The following GRIK3 variants were observed in gnomAD, a reference collection of about 807,000 sequenced individuals.
GRIK3 encodes glutamate receptor ionotropic, kainate 3.
In GRIK3, 29 loss-of-function variants were observed where a neutral mutation model predicts 102.5. The observed-to-expected ratio is 0.28, with a 90% CI of 0.21 to 0.39. The LOEUF (loss-of-function observed/expected upper bound fraction) is 0.39. Ranked by LOEUF, GRIK3 falls within the 10% of genes least tolerant of loss-of-function variation. The probability of loss-of-function intolerance (pLI) is 1.00; values close to 1 mark genes in which losing one functional copy is unlikely to be tolerated. For synonymous variants in GRIK3, 511 were observed against 504.9 expected (o/e 1.01, Z -0.16); for missense variants, 908 against 1,252.4 (o/e 0.73, Z 4.15).
At chr1:36,994,511 A>T (rs1016400176) in intron 1 of GRIK3, among the ~76,000 whole-genome samples, 1 of 152,222 alleles carries the variant, frequency 6.6e-6, no homozygotes, top group Non-Finnish European at 1.5e-5. Flanking sequence ...TGTTGTGAGG[A>T]TAAGCAAGTT....
intron 1 of GRIK3, among the ~76,000 whole-genome samples, chr1:36,933,738 T>C (rs1334800): frequency 0.86 from 130,566 of 151,874 alleles, 56,286 homozygotes; most frequent in Admixed American, 0.91. Context: ...CAAGGTATGA[T>C]AGAAGGCACA....
intron 10 of GRIK3, among the ~76,000 whole-genome samples, chr1:36,827,713 T>C (rs935439159): frequency 6.6e-6 from 1 of 152,122 alleles, no homozygotes; most frequent in East Asian, 1.9e-4. Flanking sequence ...CCAGTCAAAA[T>C]CAGATGTCAA....
chr1:36,837,899 C>T (rs1343538126), intron 10 of GRIK3, among the ~76,000 whole-genome samples: 1 of 152,224 alleles, frequency 6.6e-6, no homozygotes, highest in Non-Finnish European at 1.5e-5. Context: ...GGTGGTGCCT[C>T]AGTTCCCTGT....
At chr1:36,825,564 C>G (rs201389217) in intron 11 of GRIK3, 39 bp downstream of exon 11, 1 of 1,435,524 alleles carries the variant, frequency 7.0e-7, no homozygotes, top group Non-Finnish European at 9.4e-7. Flanking sequence ...CCTAGACCTT[C>G]AACCTTGGGC....
At chr1:36,805,936 CA>C (rs749853809) in intron 14 of GRIK3, among the ~76,000 whole-genome samples, 167 bp downstream of exon 14, 1,168 of 31,688 alleles carry the variant, frequency 0.037, 18 homozygotes, top group Admixed American at 0.11. Flanking sequence ...AACTCCACCT[CA>C]AAAAAAAAAA....
At chr1:36,976,815 A>T (rs2124363015) in intron 1 of GRIK3, among the ~76,000 whole-genome samples, 1 of 152,208 alleles carries the variant, frequency 6.6e-6, no homozygotes, top group Non-Finnish European at 1.5e-5. Flanking sequence ...TATGAGCCTC[A>T]CTTCAGGGGT....
At chr1:36,808,043 G>A (rs755255814) in intron 13 of GRIK3, among the ~76,000 whole-genome samples, 19 of 152,066 alleles carry the variant, frequency 1.2e-4, no homozygotes, top group Non-Finnish European at 1.9e-4. Context: ...TGTGCTCTCC[G>A]CTCTCCCACT....
intron 1 of GRIK3, among the ~76,000 whole-genome samples, chr1:37,023,923 G>T (rs1005842282): frequency 1.3e-5 from 2 of 152,216 alleles, no homozygotes; most frequent in Non-Finnish European, 2.9e-5. Context: ...CTGCCTGAAG[G>T]TTCAATGATA....
At chr1:36,944,696 A>C (rs1428826148) in intron 1 of GRIK3, among the ~76,000 whole-genome samples, 1 of 152,118 alleles carries the variant, frequency 6.6e-6, no homozygotes, top group Non-Finnish European at 1.5e-5. Flanking sequence ...GTGATCTCCC[A>C]AGGCCACTGA....
intron 1 of GRIK3, among the ~76,000 whole-genome samples, chr1:36,910,246 T>A (rs554560097): frequency 1.3e-5 from 2 of 152,316 alleles, no homozygotes; most frequent in South Asian, 2.1e-4. Flanking sequence ...CAGGCTCCAT[T>A]TGTCCTCAGG....
intron 10 of GRIK3, among the ~76,000 whole-genome samples, chr1:36,827,884 G>A (rs1642771501): frequency 6.6e-6 from 1 of 152,106 alleles, no homozygotes; most frequent in Non-Finnish European, 1.5e-5. Context: ...GGAGTCCAAG[G>A]ATTTGATGAC....
chr1:37,025,414 C>T (rs1043171287), intron 1 of GRIK3, among the ~76,000 whole-genome samples: 4 of 152,324 alleles, frequency 2.6e-5, no homozygotes, highest in Middle Eastern at 3.4e-3. Flanking sequence ...CAATCTGCAT[C>T]TTAATGAGTG....
At chr1:36,803,931 T>G (rs1642470512) in intron 15 of GRIK3, among the ~76,000 whole-genome samples, 1 of 152,234 alleles carries the variant, frequency 6.6e-6, no homozygotes, top group African/African-American at 2.4e-5. Context: ...CTTTGACCAC[T>G]TACACAGTGT....
intron 1 of GRIK3, among the ~76,000 whole-genome samples, chr1:37,021,127 T>TGTGTGTGAGA (rs1553128804): frequency 1.4e-5 from 2 of 145,208 alleles, no homozygotes; most frequent in East Asian, 4.1e-4. Context: ...TGTGTGTCTG[T>TGTGTGTGAGA]GAGAGAGAGA....
intron 9 of GRIK3, among the ~76,000 whole-genome samples, chr1:36,847,921 C>G (rs1322350445): frequency 6.6e-6 from 1 of 152,222 alleles, no homozygotes; most frequent in African/African-American, 2.4e-5. Flanking sequence ...GGAGCTGTGA[C>G]CAGGCTATGA....
intron 1 of GRIK3, among the ~76,000 whole-genome samples, chr1:36,989,645 C>T (rs1642344051): frequency 6.6e-6 from 1 of 152,150 alleles, no homozygotes; most frequent in Non-Finnish European, 1.5e-5. Context: ...CAAGTCTGGG[C>T]CCCCACTGCT....
At chr1:36,879,616 G>A (rs1570775853) in intron 3 of GRIK3, among the ~76,000 whole-genome samples, 1 of 152,244 alleles carries the variant, frequency 6.6e-6, no homozygotes, top group South Asian at 2.1e-4. Context: ...AAGGGCCTGG[G>A]ACTTGAGAGG....
chr1:36,815,502 C>T (rs1214321280), intron 13 of GRIK3, among the ~76,000 whole-genome samples: 1 of 152,178 alleles, frequency 6.6e-6, no homozygotes, highest in Non-Finnish European at 1.5e-5. Flanking sequence ...AGGAAAATAC[C>T]CCAGGCTTCC....
Position 36,859,270 on chromosome 1 carries a change from C to A in GRIK3, c.961-19G>T. On this transcript the variant is annotated intron_variant, in intron 6 of 15. Transcript: ENST00000373091. ...CATCAGTCTGCAGGGAAGGGCCTGC[C>A]TGAGAGCGGCTCCCAAGGCCCTCCA... 1.3e-6 allele frequency: 2 copies of A among 1,589,068 alleles called. No individual in the cohort carries two copies. Among genetic ancestry groups the A allele is most frequent in the South Asian group, 1.1e-5 (1 of 89,188 alleles).
Sources: allele counts gnomAD v4.1 joint callset (sites outside exome capture counted in the v4.1 genomes callset), GRCh38; gene constraint gnomAD v4.1.1; transcripts MANE v1.5; gene names NCBI Gene and HGNC (gene_info 2026-07-23, HGNC 2026-07-21).